Variants in NSD3 observed in about 807,000 individuals in gnomAD.
The protein encoded by NSD3 is nuclear receptor binding SET domain protein 3, also known as histone-lysine N-methyltransferase NSD3.
NSD3 carries 24 observed loss-of-function variants against 160.8 expected under a neutral mutation model. The observed-to-expected ratio is 0.15, with a 90% confidence interval of 0.11 to 0.21. The LOEUF (loss-of-function observed/expected upper bound fraction) is 0.21. NSD3 is among the 10% of genes least tolerant of loss of function. NSD3 has a pLI of 1.00. For missense variants in NSD3, 1,157 were observed against 1,735.9 expected, an observed-to-expected ratio of 0.67 and a Z score of 5.93; for synonymous variants, 520 against 600.0, an observed-to-expected ratio of 0.87 and a Z score of 1.95.
chr8:38,348,670 C>CT (rs1224998918), intron 1 of NSD3, among the ~76,000 whole-genome samples: 9 of 151,010 alleles, frequency 6.0e-5, no homozygotes, highest in South Asian at 2.1e-4. Flanking sequence ...TGCATTTTTT[C>CT]TTTTTTTTTG....
chr8:38,326,682 C>T, intron 7 of NSD3, 48 bp downstream of exon 7: 1 of 1,566,910 alleles, frequency 6.4e-7, no homozygotes, highest in South Asian at 1.2e-5. Context: ...CAGAACAGAA[C>T]AAGGATTTCT....
At chr8:38,366,193 C>T (rs1811101468) in intron 1 of NSD3, among the ~76,000 whole-genome samples, 1 of 150,322 alleles carries the variant, frequency 6.7e-6, no homozygotes. Flanking sequence ...AATCTATAGT[C>T]TGCTAGTAAT....
At chr8:38,336,797 T>A (rs1436527216) in intron 4 of NSD3, among the ~76,000 whole-genome samples, 2 of 152,146 alleles carry the variant, frequency 1.3e-5, no homozygotes, top group Non-Finnish European at 2.9e-5. Context: ...GCATTAGCCA[T>A]AGAAGCACTC....
At chr8:38,341,769 T>C (rs1342962754) in intron 2 of NSD3, among the ~76,000 whole-genome samples, 1 of 151,798 alleles carries the variant, frequency 6.6e-6, no homozygotes, top group South Asian at 2.1e-4. Flanking sequence ...TTGGGCAACA[T>C]GGCGAGACCC....
chr8:38,288,735 C>A lies in NSD3; in HGVS notation c.3253G>T (p.Val1085Leu). 6.2e-7 allele frequency: 1 copy of A among 1,613,688 alleles called. No individual in the cohort carries two copies. The highest frequency in any genetic ancestry group is 8.5e-7 in the Non-Finnish European group (1 of 1,179,612). The stretch of plus-strand genomic sequence containing the variant: ...GACAGGTCAGCAACCTGGATCTGCA[C>A]CTTTCCTATTACTTTGTTAGCCTAG... ...HIKANKVIGK[V>L]QIQVADLSEI... Residue 1085 changes from valine to leucine, a missense_variant, in exon 19 of 24, where the codon GTG (valine) becomes TTG (leucine). Coordinates refer to ENST00000317025, the MANE Select transcript of NSD3 (RefSeq NM_023034.2). The surrounding 1 kb of genome is among the most constrained non-coding windows in gnomAD (Gnocchi z 4.5).
chr8:38,313,351 C>CTG (rs1809578688), intron 12 of NSD3, among the ~76,000 whole-genome samples: 1 of 152,130 alleles, frequency 6.6e-6, no homozygotes, highest in Non-Finnish European at 1.5e-5. Context: ...GTTTAAATCA[C>CTG]AGAGTCATCA....
chr8:38,350,752 T>A (rs754649506), intron 1 of NSD3, among the ~76,000 whole-genome samples: 3 of 152,158 alleles, frequency 2.0e-5, no homozygotes, highest in Non-Finnish European at 4.4e-5. Flanking sequence ...GGTTAGATCA[T>A]TGCATTATAA....
chr8:38,338,514 A>G, intron 3 of NSD3, 22 bp downstream of exon 3: 1 of 1,595,284 alleles, frequency 6.3e-7, no homozygotes. Flanking sequence ...TTGGTTAGAC[A>G]GTATTCAGTA....
At chr8:38,361,754 CAAAAAAAA>C (rs756700150) in intron 1 of NSD3, among the ~76,000 whole-genome samples, 4 of 31,162 alleles carry the variant, frequency 1.3e-4, no homozygotes, top group South Asian at 2.6e-3. Flanking sequence ...GACTCCGTCT[CAAAAAAAA>C]AAAAAAAAAA....
intron 1 of NSD3, among the ~76,000 whole-genome samples, chr8:38,373,244 GGA>G (rs1412343029): frequency 1.3e-5 from 2 of 150,398 alleles, no homozygotes; most frequent in Admixed American, 6.6e-5. Context: ...TTTTTGAGAT[GGA>G]GAGTCTTGCT....
rs1808541804 is a variant in NSD3, at chr8:38,273,886, T to C, written c.*1755A>G. ...TCAGGCAAATGGCAGTTTAGGAGCTTCAGTAAAAGAATTGTAGTGTTTTTT... is the reference window on the plus strand; with the variant it reads ...TCAGGCAAATGGCAGTTTAGGAGCTCCAGTAAAAGAATTGTAGTGTTTTTT... On this transcript the variant is annotated 3_prime_UTR_variant, in exon 24 of 24. Coordinates refer to ENST00000317025, the MANE Select transcript of NSD3 (RefSeq NM_023034.2). 6.6e-6 allele frequency: 1 copy of C among 152,182 alleles called. No homozygotes were observed. The highest frequency in any genetic ancestry group is 6.5e-5 in the Admixed American group (1 of 15,274). 9.4% of individuals were successfully genotyped at this position (152,182 alleles called of 1,614,324 possible). A position where few individuals can be genotyped will look rare whatever the true frequency, so the allele number is the denominator to read the frequency against.
At chr8:38,283,823 G>C (rs1007270126) in intron 19 of NSD3, among the ~76,000 whole-genome samples, 1 of 152,158 alleles carries the variant, frequency 6.6e-6, no homozygotes, top group African/African-American at 2.4e-5. Context: ...AGAAAAACAG[G>C]CCAGGTGTGG....
intron 20 of NSD3, chr8:38,280,002 C>G: frequency 4.9e-6 from 1 of 204,134 alleles, no homozygotes; most frequent in South Asian, 1.4e-4. Flanking sequence ...TTAGAGATCT[C>G]AAAGTTCTGA....
chr8:38,313,527 G>C (rs955944969), intron 12 of NSD3, among the ~76,000 whole-genome samples: 8 of 151,724 alleles, frequency 5.3e-5, no homozygotes, highest in Non-Finnish European at 8.8e-5. Flanking sequence ...TCAGTGTTCA[G>C]TTAAAAAAAA....
intron 1 of NSD3, among the ~76,000 whole-genome samples, chr8:38,348,654 T>C (rs940748091): frequency 1.3e-5 from 2 of 152,188 alleles, no homozygotes; most frequent in Admixed American, 6.5e-5. Context: ...AATAATAAAA[T>C]GTTATTGCAT....
chr8:38,315,727 T>A (rs1341547535), intron 10 of NSD3, among the ~76,000 whole-genome samples, 183 bp from the exon 11 acceptor site: 2 of 152,210 alleles, frequency 1.3e-5, no homozygotes, highest in Non-Finnish European at 2.9e-5. Flanking sequence ...AAACTGTAGT[T>A]AAAATTACAA....
chr8:38,292,988 A>G (rs1168205651), intron 16 of NSD3, among the ~76,000 whole-genome samples: 5 of 150,550 alleles, frequency 3.3e-5, no homozygotes, highest in Admixed American at 6.6e-5. Flanking sequence ...AAATACAAAC[A>G]TTAGCCAGGC....
Position 38,288,821 on chromosome 8 carries a change from A to T in NSD3, c.3232-65T>A. 6.4e-7 allele frequency: 1 copy of T among 1,571,264 alleles called. No individual in the cohort carries two copies. The highest frequency in any genetic ancestry group is 8.7e-7 in the Non-Finnish European group (1 of 1,155,048). On this transcript the variant is annotated intron_variant, in intron 18 of 23. Coordinates refer to ENST00000317025, the MANE Select transcript of NSD3 (RefSeq NM_023034.2). The surrounding 1 kb of genome is among the most constrained non-coding windows in gnomAD (Gnocchi z 4.5). ...AAGTCATCTGGCAATGTGAACAGGA[A>T]CATCTAAAACATCCACGCTACTGCC...
At chr8:38,323,478 T>C (rs1809838392) in intron 7 of NSD3, among the ~76,000 whole-genome samples, 1 of 152,000 alleles carries the variant, frequency 6.6e-6, no homozygotes. Flanking sequence ...AAAAAGGAAA[T>C]ATTCATAGCA....
Sources: gnomAD v4.1 joint callset for allele counts (sites outside exome capture counted in the v4.1 genomes callset) on GRCh38, gnomAD v4.1.1 for gene constraint, Gnocchi (gnomAD v3.1) non-coding constraint, MANE v1.5 for transcripts, NCBI Gene and HGNC (gene_info 2026-07-23, HGNC 2026-07-21) for gene names.